Variants in PLSCR2 observed in about 807,000 individuals in gnomAD.
PLSCR2 encodes phospholipid scramblase 2.
Under a neutral mutation model 25.3 loss-of-function variants are expected in PLSCR2, and 18 were observed. That is an observed-to-expected ratio of 0.71 (90% CI 0.49 to 1.06). The LOEUF is 1.06. PLSCR2 is among the 50% of genes least tolerant of loss of function. PLSCR2 has a pLI of 0.00. For synonymous variants in PLSCR2, 88 were observed against 87.3 expected (o/e 1.01, Z -0.04); for missense variants, 243 against 269.5 (o/e 0.90, Z 0.69).
chr3:146,478,539 G>A (rs943647280), intron 1 of PLSCR2, among the ~76,000 whole-genome samples: 4 of 152,104 alleles, frequency 2.6e-5, no homozygotes, highest in African/African-American at 7.2e-5. Flanking sequence ...TACAATTTTA[G>A]AGAAAAAAGA....
chr3:146,435,209 A>C (rs369796267), intron 8 of PLSCR2, among the ~76,000 whole-genome samples: 2 of 151,970 alleles, frequency 1.3e-5, no homozygotes, highest in Non-Finnish European at 2.9e-5. Flanking sequence ...CTTTGCTATT[A>C]TGAATAGTGC....
chr3:146,488,631 C>A (rs2043432525), intron 1 of PLSCR2, among the ~76,000 whole-genome samples: 1 of 152,104 alleles, frequency 6.6e-6, no homozygotes, highest in African/African-American at 2.4e-5. Flanking sequence ...GAGATACCAT[C>A]TCATGCCAGT....
rs370677412 is a variant in PLSCR2 at position 146,448,348 on chromosome 3, T to C, written c.645+858A>G. Among the ~76,000 whole-genome samples, 4 of 152,220 alleles carry C rather than the reference T, an allele frequency of 2.6e-5. 1 individual carries two copies. Among genetic ancestry groups the C allele is most frequent in the East Asian group, 1.9e-4 (1 of 5,202 alleles). On this transcript the variant is annotated intron_variant, in intron 6 of 6. Transcript: ENST00000610787. The stretch of plus-strand genomic sequence containing the variant: ...GCAGCTGGGTCCTTTTTGCTGTATA[T>C]TATCTGTTAAGGTTTTCTGATTATT...
chr3:146,457,950 T>A (rs753907197), intron 3 of PLSCR2, among the ~76,000 whole-genome samples: 4 of 152,178 alleles, frequency 2.6e-5, no homozygotes, highest in Admixed American at 2.0e-4. Flanking sequence ...CCTAGGCTAC[T>A]CAAGTCCCTG....
At chr3:146,414,392 C>A (rs145654965) in intron 2 of PLSCR2, among the ~76,000 whole-genome samples, 8 of 152,210 alleles carry the variant, frequency 5.3e-5, no homozygotes, top group African/African-American at 1.9e-4. Context: ...CTAGCATATA[C>A]CTTGTTTATT....
At chr3:146,431,582 C>T (rs893445885), downstream of PLSCR2, among the ~76,000 whole-genome samples, 1 of 152,138 alleles carries the variant, frequency 6.6e-6, no homozygotes, top group African/African-American at 2.4e-5. Flanking sequence ...TTCCCCATCT[C>T]CCACCACTAA....
At chr3:146,430,548 A>G (rs1486411603), downstream of PLSCR2, among the ~76,000 whole-genome samples, 1 of 152,192 alleles carries the variant, frequency 6.6e-6, no homozygotes, top group Non-Finnish European at 1.5e-5. Context: ...GCAATTCTCT[A>G]TTGAGTTTTT....
intron 1 of PLSCR2, among the ~76,000 whole-genome samples, chr3:146,465,754 C>A (rs2041834911): frequency 1.3e-5 from 2 of 152,172 alleles, no homozygotes. Flanking sequence ...CAGAGGGGAA[C>A]TGTGAATAGC....
intron 5 of PLSCR2, among the ~76,000 whole-genome samples, chr3:146,451,885 C>T (rs1412652727): frequency 8.4e-6 from 1 of 119,726 alleles, no homozygotes; most frequent in Admixed American, 9.8e-5. Flanking sequence ...CCCCTTTGCT[C>T]AGAACTCTTC....
chr3:146,394,812 A>G (rs142283198), intron 3 of PLSCR2, among the ~76,000 whole-genome samples: 19 of 152,276 alleles, frequency 1.2e-4, no homozygotes, highest in African/African-American at 4.6e-4. Flanking sequence ...GTAATCCCCA[A>G]GTGGGGAGGG....
upstream of PLSCR2, among the ~76,000 whole-genome samples, chr3:146,464,157 T>C (rs1223598758): frequency 1.3e-5 from 2 of 152,186 alleles, no homozygotes; most frequent in Non-Finnish European, 2.9e-5. Flanking sequence ...CTGCAGTTAA[T>C]CTATAAGGTG....
chr3:146,489,841 A>G (rs1347370463), intron 1 of PLSCR2, among the ~76,000 whole-genome samples: 1 of 152,060 alleles, frequency 6.6e-6, no homozygotes, highest in Admixed American at 6.6e-5. Context: ...ACCTTTTTCC[A>G]TGTAGGCAAT....
chr3:146,419,483 C>G (rs2039080566), intron 2 of PLSCR2, among the ~76,000 whole-genome samples: 1 of 152,086 alleles, frequency 6.6e-6, no homozygotes. Flanking sequence ...TGTCCCACTT[C>G]CACGTACCAA....
chr3:146,404,197 C>T (rs1298110055), intron 2 of PLSCR2, among the ~76,000 whole-genome samples: 1 of 152,178 alleles, frequency 6.6e-6, no homozygotes, highest in Non-Finnish European at 1.5e-5. Context: ...AGGGTGCACC[C>T]TTCTCTATAT....
intron 5 of PLSCR2, among the ~76,000 whole-genome samples, chr3:146,451,623 T>C (rs2040901859): frequency 6.6e-6 from 1 of 152,164 alleles, no homozygotes; most frequent in Admixed American, 6.5e-5. Context: ...GCCTGATAGC[T>C]TCAGTATCAG....
At chr3:146,454,960 G>T (rs1455458048) in intron 4 of PLSCR2, among the ~76,000 whole-genome samples, 1 of 152,084 alleles carries the variant, frequency 6.6e-6, no homozygotes, top group East Asian at 1.9e-4. Flanking sequence ...TCTAAAAAAT[G>T]ATTTGAAAAA....
intron 3 of PLSCR2, chr3:146,391,640 G>T (rs80158671): frequency 0.11 from 17,189 of 152,556 alleles, 1,301 homozygotes; most frequent in Middle Eastern, 0.17. Context: ...ACATGAGAAT[G>T]ATTTTTAAGG....
intron 2 of PLSCR2, among the ~76,000 whole-genome samples, chr3:146,424,234 T>G (rs77695326): frequency 0.041 from 6,231 of 152,214 alleles, 175 homozygotes; most frequent in Admixed American, 0.088. Flanking sequence ...TCCCTTGGTC[T>G]TTCCTTGGTG....
chr3:146,431,294 C>A (rs1028541631), downstream of PLSCR2, among the ~76,000 whole-genome samples: 25 of 152,258 alleles, frequency 1.6e-4, no homozygotes, highest in African/African-American at 5.5e-4. Flanking sequence ...ATGTTTCTAT[C>A]CAAAATCATT....
Sources: allele counts gnomAD v4.1 joint callset (sites outside exome capture counted in the v4.1 genomes callset), GRCh38; gene constraint gnomAD v4.1.1; transcripts MANE v1.5; gene names NCBI Gene and HGNC (gene_info 2026-07-23, HGNC 2026-07-21).